The following CFAP299 variants were observed in gnomAD, a reference collection of about 807,000 sequenced individuals.
CFAP299 encodes the protein cilia and flagella associated protein 299.
In CFAP299, 21 loss-of-function variants were observed where a neutral mutation model predicts 27.0. The observed-to-expected ratio is 0.78, with a 90% CI of 0.55 to 1.12. The LOEUF is 1.12. Ranked by LOEUF, CFAP299 falls within the 50% of genes most tolerant of loss-of-function variation. The pLI is 0.00. For synonymous variants in CFAP299, 104 were observed against 98.1 expected, an observed-to-expected ratio of 1.06 and a Z score of -0.36; for missense variants, 310 against 276.6, an observed-to-expected ratio of 1.12 and a Z score of -0.86.
At chr4:80,944,997 A>G (rs1737400774) in intron 5 of CFAP299, 58 bp downstream of exon 5, 6 of 1,488,068 alleles carry the variant, frequency 4.0e-6, no homozygotes, top group Non-Finnish European at 4.6e-6. Flanking sequence ...TATTTCTGCC[A>G]CTATTCAAAA....
At chr4:80,809,679 GT>G (rs1261969643) in intron 3 of CFAP299, among the ~76,000 whole-genome samples, 3 of 152,070 alleles carry the variant, frequency 2.0e-5, no homozygotes, top group African/African-American at 7.2e-5. Flanking sequence ...CAAATTCTCT[GT>G]TTTCATGATG....
At chr4:80,855,126 G>A (rs1468029496) in intron 3 of CFAP299, among the ~76,000 whole-genome samples, 1 of 152,010 alleles carries the variant, frequency 6.6e-6, no homozygotes, top group Non-Finnish European at 1.5e-5. Context: ...CAAGATTTTG[G>A]AATTGTGCAG....
At position 80,424,773 on chromosome 4, in the gene CFAP299, C is replaced by T. The variant is rs1229104491; in HGVS notation, c.242+61889C>T. On this transcript the variant is annotated intron_variant, in intron 2 of 5. Transcript: ENST00000358105. ...GGAATCTTCACATTCACTGACTGGACGATACAAAAAAATATATTTAAGAAC... is the reference window on the plus strand; with the variant it reads ...GGAATCTTCACATTCACTGACTGGATGATACAAAAAAATATATTTAAGAAC... Among the ~76,000 whole-genome samples, 7 of 152,124 alleles carry T rather than the reference C, an allele frequency of 4.6e-5. No homozygotes were observed. The South Asian group carries it at 1.2e-3, about 27-fold the overall frequency.
intron 3 of CFAP299, among the ~76,000 whole-genome samples, chr4:80,852,989 C>G (rs1394031490): frequency 6.6e-6 from 1 of 152,038 alleles, no homozygotes; most frequent in African/African-American, 2.4e-5. Context: ...CCCCTGCAAA[C>G]TAAGGAGAAA....
chr4:80,754,280 C>T (rs1034967318), intron 3 of CFAP299, among the ~76,000 whole-genome samples: 126 of 152,194 alleles, frequency 8.3e-4, no homozygotes, highest in African/African-American at 2.9e-3. Flanking sequence ...TCAATATCTG[C>T]TCCACCCTCA....
intron 2 of CFAP299, among the ~76,000 whole-genome samples, chr4:80,483,339 T>G (rs1235202954): frequency 6.6e-6 from 1 of 152,238 alleles, no homozygotes; most frequent in Non-Finnish European, 1.5e-5. Flanking sequence ...GGTGGTAATT[T>G]ATTATAATAG....
chr4:80,664,308 G>A (rs1176872689), intron 3 of CFAP299, among the ~76,000 whole-genome samples: 1 of 152,156 alleles, frequency 6.6e-6, no homozygotes, highest in African/African-American at 2.4e-5. Flanking sequence ...CCAGCAGGCA[G>A]GAACGTTTGA....
At chr4:80,529,999 CAT>C (rs1439775448) in intron 2 of CFAP299, among the ~76,000 whole-genome samples, 1 of 152,080 alleles carries the variant, frequency 6.6e-6, no homozygotes, top group African/African-American at 2.4e-5. Context: ...AAATAAATAA[CAT>C]GAGAGATGAA....
At chr4:80,419,094 C>T (rs1560558733) in intron 2 of CFAP299, among the ~76,000 whole-genome samples, 1 of 152,086 alleles carries the variant, frequency 6.6e-6, no homozygotes, top group Non-Finnish European at 1.5e-5. Context: ...TGACTGAGGA[C>T]CATAAGGCAG....
intron 4 of CFAP299, among the ~76,000 whole-genome samples, chr4:80,910,311 C>A (rs1469357005): frequency 6.6e-6 from 1 of 151,932 alleles, no homozygotes; most frequent in Admixed American, 6.6e-5. Context: ...ACCATTTGAC[C>A]CAGCAGCCTC....
chr4:80,918,651 A>C (rs1042789029), intron 4 of CFAP299, among the ~76,000 whole-genome samples: 1 of 152,154 alleles, frequency 6.6e-6, no homozygotes, highest in Non-Finnish European at 1.5e-5. Context: ...TGTAAAAAAA[A>C]TTTATAAATT....
At chr4:80,607,331 CTTGTTGGTTCATGTA>C (rs1482189378) in intron 3 of CFAP299, among the ~76,000 whole-genome samples, 1 of 152,012 alleles carries the variant, frequency 6.6e-6, no homozygotes, top group African/African-American at 2.4e-5. Flanking sequence ...ACTATAGAGT[CTTGTTGGTTCATGTA>C]TTCTCTACTT....
chr4:80,793,326 C>T (rs138607715), intron 3 of CFAP299, among the ~76,000 whole-genome samples: 1 of 152,012 alleles, frequency 6.6e-6, no homozygotes, highest in Non-Finnish European at 1.5e-5. Context: ...TCACGTTTTT[C>T]TGCCTGCTTT....
At chr4:80,725,777 G>A (rs1723124110) in intron 3 of CFAP299, among the ~76,000 whole-genome samples, 2 of 152,148 alleles carry the variant, frequency 1.3e-5, no homozygotes, top group Admixed American at 1.3e-4. Flanking sequence ...TTTTAATATG[G>A]CATCTGATCC....
At chr4:80,862,587 A>G (rs1418662616) in intron 3 of CFAP299, among the ~76,000 whole-genome samples, 1 of 152,086 alleles carries the variant, frequency 6.6e-6, no homozygotes, top group African/African-American at 2.4e-5. Context: ...TCCTTTGTCC[A>G]TGACCTTTTG....
At chr4:80,426,533 C>T (rs939226847) in intron 2 of CFAP299, among the ~76,000 whole-genome samples, 1 of 152,160 alleles carries the variant, frequency 6.6e-6, no homozygotes. Flanking sequence ...TTGAGGTTTT[C>T]CAAACTTGCC....
intron 3 of CFAP299, among the ~76,000 whole-genome samples, chr4:80,665,906 G>A (rs978112906): frequency 4.6e-5 from 7 of 151,954 alleles, no homozygotes; most frequent in Non-Finnish European, 8.8e-5. Flanking sequence ...TCCTGCTCCT[G>A]CCACGTGAGA....
At chr4:80,580,634 T>C (rs1215766022) in intron 2 of CFAP299, among the ~76,000 whole-genome samples, 1 of 152,034 alleles carries the variant, frequency 6.6e-6, no homozygotes, top group Non-Finnish European at 1.5e-5. Context: ...TGCTCAGAAA[T>C]TCTTTTCTTT....
chr4:80,392,320 A>G (rs896383154), intron 2 of CFAP299, among the ~76,000 whole-genome samples: 10 of 152,124 alleles, frequency 6.6e-5, no homozygotes, highest in African/African-American at 2.4e-4. Context: ...GAAGGGCATG[A>G]TTGTGTTTTG....
Sources: gnomAD v4.1 joint callset for allele counts (sites outside exome capture counted in the v4.1 genomes callset) on GRCh38, gnomAD v4.1.1 for gene constraint, MANE v1.5 for transcripts, NCBI Gene and HGNC (gene_info 2026-07-23, HGNC 2026-07-21) for gene names.